Variants in LYPD6 observed in about 807,000 individuals in gnomAD.
The protein encoded by LYPD6 is LY6/PLAUR domain containing 6, also known as ly6/PLAUR domain-containing protein 6.
A neutral mutation model predicts 22.7 loss-of-function variants in LYPD6; 15 were observed. That is an observed-to-expected ratio of 0.66 (90% CI 0.44 to 1.02). The LOEUF is 1.02. LYPD6 is among the 50% of genes least tolerant of loss of function. The probability of loss-of-function intolerance (pLI) is 0.00; values close to 1 mark genes in which losing one functional copy is unlikely to be tolerated. For missense variants in LYPD6, 189 were observed against 208.4 expected (o/e 0.91, Z 0.57); for synonymous variants, 72 against 77.5 (o/e 0.93, Z 0.37).
At chr2:149,464,113 T>TAAAAA in intron 3 of LYPD6, 1 of 358,614 alleles carries the variant, frequency 2.8e-6, no homozygotes, top group Admixed American at 4.2e-5. Context: ...TAGGTTAAAT[T>TAAAAA]AAAAAAAAAA....
At chr2:149,393,292 C>T (rs577063791) in intron 1 of LYPD6, among the ~76,000 whole-genome samples, 268 of 152,254 alleles carry the variant, frequency 1.8e-3, no homozygotes, top group Non-Finnish European at 2.8e-3. Flanking sequence ...TGATTTAGCT[C>T]GAAGAGGGTC....
intron 1 of LYPD6, among the ~76,000 whole-genome samples, chr2:149,357,219 A>G (rs1681466159): frequency 6.6e-6 from 1 of 152,216 alleles, no homozygotes; most frequent in Non-Finnish European, 1.5e-5. Context: ...TCTACTGAAG[A>G]GAGCTTTATG....
chr2:149,345,124 G>T (rs1383866814), intron 1 of LYPD6, among the ~76,000 whole-genome samples: 2 of 151,958 alleles, frequency 1.3e-5, no homozygotes, highest in Non-Finnish European at 2.9e-5. Context: ...TCTGAAAAAA[G>T]AATGAATAAA....
At chr2:149,468,898 C>T (rs1201189604) in intron 4 of LYPD6, 123 bp downstream of exon 4, 5 of 1,061,876 alleles carry the variant, frequency 4.7e-6, no homozygotes, top group Non-Finnish European at 5.5e-6. Context: ...TGTCTTTATG[C>T]TCTATGAAAA....
chr2:149,455,149 T>C (rs949064971), intron 3 of LYPD6, among the ~76,000 whole-genome samples: 8 of 152,162 alleles, frequency 5.3e-5, no homozygotes, highest in Non-Finnish European at 1.2e-4. Flanking sequence ...AGATTTTTGT[T>C]GTTTACATTT....
rs891037325 is a variant in LYPD6 at position 149,411,858 on chromosome 2, G to A, written c.-71-25780G>A. ...TTAGAAAATAAAGGTTAGACATAGA[G>A]CCCACATATATATGTATATGTATTT... On this transcript the variant is annotated intron_variant, in intron 1 of 4. Transcript: ENST00000334166. 2.0e-5 allele frequency among the ~76,000 whole-genome samples: 3 copies of A among 152,192 alleles called. No individual in the cohort carries two copies. In the East Asian group the frequency reaches 5.8e-4, roughly 29 times the overall value.
At chr2:149,442,354 A>G (rs1683587074) in intron 2 of LYPD6, among the ~76,000 whole-genome samples, 1 of 152,210 alleles carries the variant, frequency 6.6e-6, no homozygotes, top group African/African-American at 2.4e-5. Context: ...CAAATAAATT[A>G]TGGTCGGTTG....
At chr2:149,457,464 G>C (rs1680987534) in intron 3 of LYPD6, among the ~76,000 whole-genome samples, 2 of 152,150 alleles carry the variant, frequency 1.3e-5, no homozygotes, top group Non-Finnish European at 2.9e-5. Flanking sequence ...ACACCAACAA[G>C]AATGGGCCTG....
chr2:149,335,603 C>G (rs74914671), intron 1 of LYPD6, among the ~76,000 whole-genome samples: 1 of 152,086 alleles, frequency 6.6e-6, no homozygotes, highest in African/African-American at 2.4e-5. Flanking sequence ...ATTTATAAAA[C>G]CTACAGTAGT....
chr2:149,370,593 C>A (rs1681786025), intron 1 of LYPD6: 1 of 152,202 alleles, frequency 6.6e-6, no homozygotes. Flanking sequence ...GTGCCCTGAT[C>A]TTGGAATTCC....
intron 1 of LYPD6, among the ~76,000 whole-genome samples, chr2:149,361,490 G>T (rs1340953366): frequency 1.3e-5 from 2 of 152,134 alleles, no homozygotes; most frequent in Non-Finnish European, 2.9e-5. Context: ...GCGTATTCTG[G>T]TCTCTTAAAT....
intron 1 of LYPD6, among the ~76,000 whole-genome samples, chr2:149,399,742 G>C (rs969677254): frequency 6.6e-6 from 1 of 150,846 alleles, no homozygotes; most frequent in South Asian, 2.1e-4. Context: ...ATAAAAATAA[G>C]TACATAATGA....
chr2:149,353,235 A>G (rs192211670), intron 1 of LYPD6, among the ~76,000 whole-genome samples: 2 of 152,334 alleles, frequency 1.3e-5, no homozygotes, highest in East Asian at 1.9e-4. Context: ...GAGTTATTTT[A>G]TTTTAAGTAT....
chr2:149,391,480 A>AT (rs1682309041), intron 1 of LYPD6, among the ~76,000 whole-genome samples: 1 of 150,706 alleles, frequency 6.6e-6, no homozygotes, highest in Non-Finnish European at 1.5e-5. Flanking sequence ...CTTTAAACTT[A>AT]TTTTGTTACT....
intron 1 of LYPD6, among the ~76,000 whole-genome samples, chr2:149,345,472 ATTTTTTT>A (rs60780602): frequency 6.7e-5 from 9 of 133,780 alleles, no homozygotes; most frequent in Non-Finnish European, 1.3e-4. Flanking sequence ...ACACCTGGCT[ATTTTTTT>A]TTTTTTTTGT....
the LYPD6 span, among the ~76,000 whole-genome samples, chr2:149,482,269 G>T: frequency 6.6e-6 from 1 of 152,024 alleles, no homozygotes; most frequent in Non-Finnish European, 1.5e-5. Context: ...TTTAAGGAAG[G>T]TTACAAACAC....
Position 149,334,016 on chromosome 2 carries a change from C to T in LYPD6, c.-72+3294C>T, listed in dbSNP as rs183374676. ...TACCCATAAGAAAGTGGGAAGCATACGAATTACCTTATAGAAACCCAAAAG... is the reference window on the plus strand; with the variant it reads ...TACCCATAAGAAAGTGGGAAGCATATGAATTACCTTATAGAAACCCAAAAG... On this transcript the variant is annotated intron_variant, in intron 1 of 4. Transcript: ENST00000334166. Among the ~76,000 whole-genome samples, 12 of 152,004 alleles carry T rather than the reference C, an allele frequency of 7.9e-5. No homozygotes were observed. The East Asian group carries it at 2.1e-3, about 27-fold the overall frequency.
chr2:149,362,647 G>T (rs961196083), intron 1 of LYPD6, among the ~76,000 whole-genome samples: 3 of 152,008 alleles, frequency 2.0e-5, no homozygotes, highest in Non-Finnish European at 4.4e-5. Flanking sequence ...ATCTGCTGGG[G>T]GCCTTTTTGC....
chr2:149,448,306 GAAAGA>G (rs1683731515), intron 2 of LYPD6, among the ~76,000 whole-genome samples: 1 of 151,984 alleles, frequency 6.6e-6, no homozygotes, highest in African/African-American at 2.4e-5. Context: ...AGAAAAGAAA[GAAAGA>G]AAAGAAAAAC....
Sources: gnomAD v4.1 joint callset for allele counts (sites outside exome capture counted in the v4.1 genomes callset) on GRCh38, gnomAD v4.1.1 for gene constraint, MANE v1.5 for transcripts, NCBI Gene and HGNC (gene_info 2026-07-23, HGNC 2026-07-21) for gene names.